RNF220: variants seen among roughly 807,000 people sequenced by gnomAD.
RNF220 encodes E3 ubiquitin-protein ligase RNF220.
In RNF220, 7 loss-of-function variants were observed where a neutral mutation model predicts 67.1. The ratio of observed to expected loss-of-function variants is 0.10; its 90% confidence interval spans 0.06 to 0.20. RNF220 has a LOEUF of 0.20. Ranked by LOEUF, RNF220 falls within the 10% of genes least tolerant of loss-of-function variation. RNF220 has a pLI of 1.00. For missense variants in RNF220, 565 were observed against 740.3 expected (o/e 0.76, Z 2.75); for synonymous variants, 270 against 283.2 (o/e 0.95, Z 0.47).
At chr1:44,558,774 G>A (rs1181682616) in intron 2 of RNF220, among the ~76,000 whole-genome samples, 3 of 152,182 alleles carry the variant, frequency 2.0e-5, no homozygotes, top group Non-Finnish European at 2.9e-5. Context: ...TCAACATATA[G>A]CAATCAACAT....
chr1:44,503,211 G>GT (rs1454994241), intron 2 of RNF220, among the ~76,000 whole-genome samples: 1 of 151,546 alleles, frequency 6.6e-6, no homozygotes, highest in East Asian at 1.9e-4. Flanking sequence ...GCACATGCCT[G>GT]TAATCCCAGC....
At chr1:44,550,958 C>A (rs75772320) in intron 2 of RNF220, among the ~76,000 whole-genome samples, 4,001 of 152,146 alleles carry the variant, frequency 0.026, 146 homozygotes, top group East Asian at 0.13. Flanking sequence ...ATCCATCACT[C>A]AGGCATTCAG....
chr1:44,486,240 C>A (rs1325104774), intron 2 of RNF220, among the ~76,000 whole-genome samples: 1 of 151,708 alleles, frequency 6.6e-6, no homozygotes, highest in African/African-American at 2.4e-5. Context: ...AAGGGGGGGG[C>A]CTTTGGGCGA....
chr1:44,560,539 A>G (rs1663487141), intron 2 of RNF220, among the ~76,000 whole-genome samples: 2 of 152,116 alleles, frequency 1.3e-5, no homozygotes, highest in Non-Finnish European at 2.9e-5. Flanking sequence ...ATCCTCATTC[A>G]TTGATTCAGC....
At position 44,483,239 on chromosome 1, in the gene RNF220, G is replaced by C. The variant is rs148901583; in HGVS notation, c.625+70517G>C. The stretch of plus-strand genomic sequence containing the variant: ...AACTACCATGCCCAGCCCAAGCATA[G>C]TATTAATACACACCTTTTAAAAGGA... On this transcript the variant is annotated intron_variant, in intron 2 of 14. Coordinates refer to ENST00000361799, the MANE Select transcript of RNF220 (RefSeq NM_018150.4). Among the ~76,000 whole-genome samples the C allele has an allele frequency of 4.1e-3, 620 of 152,224 alleles. 8 individuals are homozygous for C. The South Asian group carries it at 0.041, about 10-fold the overall frequency.
At position 44,622,804 on chromosome 1, in the gene RNF220, A is replaced by G. The variant is rs1305629266; in HGVS notation, c.804+17A>G. On this transcript the variant is annotated intron_variant, in intron 4 of 14. Transcript: ENST00000361799. The surrounding 1 kb of genome is among the most constrained non-coding windows in gnomAD (Gnocchi z 4.3). The stretch of plus-strand genomic sequence containing the variant: ...ACCCCAAAGGTAGGTGGCCAATTAC[A>G]TGTTTTCCTCCTGCCCATACTAACC... 6.2e-7 allele frequency: 1 copy of G among 1,612,598 alleles called. No homozygotes were observed. The highest frequency in any genetic ancestry group is 2.2e-5 in the East Asian group (1 of 44,876).
At chr1:44,504,898 C>A (rs559552894) in intron 2 of RNF220, among the ~76,000 whole-genome samples, 5 of 152,240 alleles carry the variant, frequency 3.3e-5, no homozygotes, top group South Asian at 2.1e-4. Flanking sequence ...ATGTGGTATC[C>A]TCAGGGCCAT....
chr1:44,534,713 AATT>A (rs1383661223), intron 2 of RNF220, among the ~76,000 whole-genome samples: 1 of 152,134 alleles, frequency 6.6e-6, no homozygotes, highest in Non-Finnish European at 1.5e-5. Flanking sequence ...ATAATAGCCG[AATT>A]ATGAAACCTA....
chr1:44,405,339 C>G lies in RNF220; in HGVS notation c.-309C>G. The G allele has an allele frequency of 1.7e-6, 1 of 575,542 alleles. No individual in the cohort carries two copies. The highest frequency in any genetic ancestry group is 2.0e-5 in the South Asian group (1 of 49,926). 35.7% of individuals were successfully genotyped at this position (575,542 alleles called of 1,614,324 possible). On this transcript the variant is annotated 5_prime_UTR_variant, in exon 1 of 15. Coordinates refer to ENST00000361799, the MANE Select transcript of RNF220 (RefSeq NM_018150.4). Reference sequence around the variant, plus strand: ...GTCTCTTGATCTGTACATGCAATCCCAGGCAGCTCGCGAACACAAACCCGG... The same window carrying G: ...GTCTCTTGATCTGTACATGCAATCCGAGGCAGCTCGCGAACACAAACCCGG...
At chr1:44,588,919 T>C (rs1665907050) in intron 2 of RNF220, among the ~76,000 whole-genome samples, 1 of 152,158 alleles carries the variant, frequency 6.6e-6, no homozygotes, top group Admixed American at 6.5e-5. Context: ...ATGAAGTACT[T>C]CTCCACCAAC....
intron 2 of RNF220, among the ~76,000 whole-genome samples, chr1:44,438,128 T>C (rs1651167878): frequency 6.6e-6 from 1 of 152,206 alleles, no homozygotes; most frequent in Non-Finnish European, 1.5e-5. Flanking sequence ...TTAGTTTGTT[T>C]TTTTGTTTTT....
intron 2 of RNF220, among the ~76,000 whole-genome samples, chr1:44,453,553 A>G (rs1191962500): frequency 6.6e-6 from 1 of 152,052 alleles, no homozygotes; most frequent in Non-Finnish European, 1.5e-5. Flanking sequence ...GGATCTTTTC[A>G]TGGTGATCAT....
chr1:44,599,489 A>G (rs1666771164), intron 2 of RNF220, among the ~76,000 whole-genome samples: 1 of 152,100 alleles, frequency 6.6e-6, no homozygotes, highest in Non-Finnish European at 1.5e-5. Flanking sequence ...CCTGGGCAAC[A>G]TGACACAACC....
intron 2 of RNF220, among the ~76,000 whole-genome samples, chr1:44,451,193 AG>A (rs1407238513): frequency 1.3e-5 from 2 of 151,766 alleles, no homozygotes; most frequent in African/African-American, 4.8e-5. Flanking sequence ...AAAAAGAAAA[AG>A]AAAAAAAAAA....
Position 44,564,246 on chromosome 1 carries a change from C to T in RNF220, c.626-49919C>T, listed in dbSNP as rs115355061. 6.9e-3 allele frequency among the ~76,000 whole-genome samples: 1,054 copies of T among 152,328 alleles called. 14 individuals are homozygous for T. The highest frequency in any genetic ancestry group is 0.025 in the African/African-American group (1,023 of 41,568). ...GTCACTGCCACCCTTATTCAGATCACTGCCATCTCTTGCCTGGACCGTTGC... is the reference window on the plus strand; with the variant it reads ...GTCACTGCCACCCTTATTCAGATCATTGCCATCTCTTGCCTGGACCGTTGC... On this transcript the variant is annotated intron_variant, in intron 2 of 14. Transcript: ENST00000361799.
chr1:44,468,785 T>C (rs541788204), intron 2 of RNF220, among the ~76,000 whole-genome samples: 1 of 152,072 alleles, frequency 6.6e-6, no homozygotes, highest in Non-Finnish European at 1.5e-5. Context: ...GGCATGGTGA[T>C]GCACACCTGT....
At chr1:44,560,651 T>C (rs1419765796) in intron 2 of RNF220, among the ~76,000 whole-genome samples, 1 of 152,200 alleles carries the variant, frequency 6.6e-6, no homozygotes, top group East Asian at 1.9e-4. Flanking sequence ...AACCACAGCC[T>C]CCTGGGTTCA....
At position 44,635,502 on chromosome 1, in the gene RNF220, C is replaced by T. The variant is rs373207129; in HGVS notation, c.950-43C>T. The stretch of plus-strand genomic sequence containing the variant: ...ACTGGGACCCTGGGGGCTGCAGTGA[C>T]CGTCTGCTTGTTCTGTGCTTTGTTT... On this transcript the variant is annotated intron_variant, in intron 6 of 14. Transcript: ENST00000361799. 55 of 1,603,818 alleles carry T rather than the reference C, an allele frequency of 3.4e-5. 1 individual carries two copies. The African/African-American group carries it at 6.9e-4, about 20-fold the overall frequency.
chr1:44,532,823 G>A (rs988057912), intron 2 of RNF220, among the ~76,000 whole-genome samples: 4 of 152,160 alleles, frequency 2.6e-5, no homozygotes, highest in African/African-American at 9.7e-5. Flanking sequence ...CTGCAAATGG[G>A]AACAGCTCAA....
Sources: gnomAD v4.1 joint callset for allele counts (sites outside exome capture counted in the v4.1 genomes callset) on GRCh38, gnomAD v4.1.1 for gene constraint, Gnocchi (gnomAD v3.1) non-coding constraint, MANE v1.5 for transcripts, NCBI Gene and HGNC (gene_info 2026-07-23, HGNC 2026-07-21) for gene names.